Variants in DOCK4 observed in about 807,000 individuals in gnomAD.
The protein encoded by DOCK4 is dedicator of cytokinesis 4.
A neutral mutation model predicts 268.1 loss-of-function variants in DOCK4; 97 were observed. The ratio of observed to expected loss-of-function variants is 0.36; its 90% CI spans 0.31 to 0.43. DOCK4 has a LOEUF of 0.43. Among genes scored for constraint, DOCK4 ranks in the 20% least tolerant of loss-of-function variants. DOCK4 has a pLI of 1.00. For missense variants in DOCK4, 2,145 were observed against 2,455.7 expected, an observed-to-expected ratio of 0.87 and a Z score of 2.67; for synonymous variants, 954 against 887.2, an observed-to-expected ratio of 1.08 and a Z score of -1.34.
chr7:111,739,198 G>C lies in DOCK4; in HGVS notation c.5168C>G (p.Ser1723Cys), dbSNP rs772362224. 47 of 1,613,920 alleles carry C rather than the reference G, an allele frequency of 2.9e-5. No individual in the cohort carries two copies. The highest frequency in any genetic ancestry group is 3.8e-5 in the Non-Finnish European group (45 of 1,179,900). Reference sequence around the variant, plus strand: ...TGGTCTCTCTCTTGGTGACAGGCAAGAGTTTTCTCGGGAATGTTTGTGTTT... The same window carrying C: ...TGGTCTCTCTCTTGGTGACAGGCAACAGTTTTCTCGGGAATGTTTGTGTTT... ...SDKHKHSREN[S>C]CLSPRERPCS... The change falls in exon 49 of 53, where the codon TCT (serine) becomes TGT (cysteine). Residue 1723 changes from serine to cysteine, a missense_variant. Coordinates refer to ENST00000428084, the MANE Select transcript of DOCK4 (RefSeq NM_001363540.2).
rs1472305166 is a variant in DOCK4 at position 111,788,679 on chromosome 7, G to A, written c.3384C>T (p.Arg1128=). Residue 1128 remains arginine (R), a synonymous_variant, in exon 32 of 53, where the codon CGC becomes CGT. Transcript: ENST00000428084. The part of the protein sequence containing the change: ...MSEGKGDETY[R]ELFNSIIPLF... Reference sequence around the variant, plus strand: ...TTACTCACATACTGTTGAAGAGCTCGCGGTATGTTTCGTCACCTTTGCCTT... The same window carrying A: ...TTACTCACATACTGTTGAAGAGCTCACGGTATGTTTCGTCACCTTTGCCTT... The A allele has an allele frequency of 2.5e-6, 4 of 1,586,950 alleles. No homozygotes were observed. The African/African-American group carries it at 4.0e-5, about 16-fold the overall frequency.
At chr7:112,048,999 C>A (rs1386511835) in intron 1 of DOCK4, among the ~76,000 whole-genome samples, 1 of 151,982 alleles carries the variant, frequency 6.6e-6, no homozygotes, top group Non-Finnish European at 1.5e-5. Context: ...CATACAAAGG[C>A]TGAAAGAATT....
intron 1 of DOCK4, among the ~76,000 whole-genome samples, chr7:112,181,639 C>CAAAAAAAAAAAAAAAAAAAAAA (rs55807955): frequency 1.5e-5 from 1 of 65,374 alleles, no homozygotes; most frequent in African/African-American, 6.8e-5. Flanking sequence ...GACACTGTCT[C>CAAAAAAAAAAAAAAAAAAAAAA]AAAAAAAAAA....
intron 1 of DOCK4, among the ~76,000 whole-genome samples, chr7:112,065,968 A>G (rs564423475): frequency 9.2e-5 from 14 of 152,302 alleles, no homozygotes; most frequent in African/African-American, 3.1e-4. Context: ...AAGTGTCCAG[A>G]GTGGAGCTTC....
intron 1 of DOCK4, among the ~76,000 whole-genome samples, chr7:112,136,721 G>T (rs1301417584): frequency 1.3e-5 from 2 of 152,144 alleles, no homozygotes; most frequent in African/African-American, 4.8e-5. Context: ...GGGCTTTTTG[G>T]AAACAGACCA....
intron 1 of DOCK4, among the ~76,000 whole-genome samples, chr7:112,005,094 C>T (rs368833860): frequency 6.6e-6 from 1 of 152,144 alleles, no homozygotes; most frequent in African/African-American, 2.4e-5. Context: ...ACTATGCACA[C>T]TGAAATCAAC....
chr7:112,012,344 C>CAA (rs111700199), intron 1 of DOCK4, among the ~76,000 whole-genome samples: 4 of 130,392 alleles, frequency 3.1e-5, no homozygotes, highest in African/African-American at 8.5e-5. Context: ...GATAAGGCAG[C>CAA]AAAAAAAAAA....
At chr7:111,981,828 G>A (rs1798631558) in intron 7 of DOCK4, among the ~76,000 whole-genome samples, 1 of 152,070 alleles carries the variant, frequency 6.6e-6, no homozygotes, top group African/African-American at 2.4e-5. Context: ...ATGAGACCCT[G>A]GAATCTTAGC....
At chr7:111,825,748 A>C (rs766316681) in intron 26 of DOCK4, among the ~76,000 whole-genome samples, 1 of 152,206 alleles carries the variant, frequency 6.6e-6, no homozygotes, top group Non-Finnish European at 1.5e-5. Context: ...AAGATAAAAA[A>C]GAAACAGGGA....
In DOCK4 at chr7:111,767,066, C is replaced by T. The variant is rs1336906273; in HGVS notation, c.3881G>A (p.Ser1294Asn). The T allele has an allele frequency of 3.7e-6, 6 of 1,613,796 alleles. No individual in the cohort carries two copies. In the South Asian group the frequency reaches 6.6e-5, roughly 18 times the overall value. The change falls in exon 38 of 53, where the codon AGT (serine) becomes AAT (asparagine). Residue 1294 changes from serine to asparagine, a missense_variant. This residue lies in a region of DOCK4 where 1,598 missense variants were observed against 1,986.7 expected (regional missense o/e 0.80). Coordinates refer to ENST00000428084, the MANE Select transcript of DOCK4 (RefSeq NM_001363540.2). ...GCTCAGGTTTCTGTAGTCATAATAA[C>T]TCTCATACTGCTCTGCAATCTTCCG... is the stretch of plus-strand genomic sequence containing the variant. ...LCRKIAEQYE[S>N]YYDYRNLSKM...
At position 111,783,956 on chromosome 7, in the gene DOCK4, G is replaced by C; in HGVS notation, c.3429-4C>G. On this transcript the variant is annotated splice_region_variant and splice_polypyrimidine_tract_variant and intron_variant, in intron 33 of 52. Coordinates refer to ENST00000428084, the MANE Select transcript of DOCK4 (RefSeq NM_001363540.2). ...CCGCTCAATTTTCTTTAGTAGACTG[G>C]AAAAGAAAGAACCCGGGGCATTTTC... 1 of 1,595,928 alleles carries C rather than the reference G, an allele frequency of 6.3e-7. No homozygotes were observed. Among genetic ancestry groups the C allele is most frequent in the Non-Finnish European group, 8.5e-7 (1 of 1,170,592 alleles).
intron 1 of DOCK4, among the ~76,000 whole-genome samples, chr7:112,167,731 A>G (rs1392094014): frequency 1.3e-5 from 2 of 152,216 alleles, no homozygotes; most frequent in African/African-American, 4.8e-5. Flanking sequence ...GTAAGCTTAA[A>G]TAACTCAATT....
At position 111,915,875 on chromosome 7, in the gene DOCK4, C is replaced by T. The variant is rs1315373989; in HGVS notation, c.1096G>A (p.Gly366Arg). 3.7e-6 allele frequency: 6 copies of T among 1,612,060 alleles called. No homozygotes were observed. Among genetic ancestry groups the T allele is most frequent in the South Asian group, 2.2e-5 (2 of 90,592 alleles). Residue 366 changes from glycine to arginine, a missense_variant, in exon 13 of 53, where the codon GGA becomes AGA. Gly to Arg is a moderately radical substitution (Grantham distance 125, BLOSUM62 -2). Around this residue, in one of 2 missense-constraint regions of DOCK4, gnomAD observed 1,598 missense variants for 1,986.7 expected, o/e 0.80. Transcript: ENST00000428084. ...GLAVSLQLLH[G>R]DIEQIRREYS... ...TCCCTTCTGATTTGTTCAATGTCTC[C>T]GTGCAATAGCTGTAAGGAAACTGCT...
chr7:112,101,371 G>A (rs1402359251), intron 1 of DOCK4, among the ~76,000 whole-genome samples: 1 of 152,198 alleles, frequency 6.6e-6, no homozygotes, highest in Admixed American at 6.5e-5. Context: ...GTCCCCGGAG[G>A]GGTAAAATAT....
chr7:112,090,092 C>A (rs1448562275), intron 1 of DOCK4, among the ~76,000 whole-genome samples: 1 of 152,052 alleles, frequency 6.6e-6, no homozygotes. Flanking sequence ...AAGGATAAGC[C>A]CCTGGAACTT....
At chr7:111,802,112 G>A (rs1196285144) in intron 30 of DOCK4, among the ~76,000 whole-genome samples, 1 of 152,154 alleles carries the variant, frequency 6.6e-6, no homozygotes, top group Non-Finnish European at 1.5e-5. Flanking sequence ...CTAGCAGCTA[G>A]CATTTGCAAT....
intron 12 of DOCK4, among the ~76,000 whole-genome samples, chr7:111,917,803 C>A (rs1174753235): frequency 6.6e-6 from 1 of 152,010 alleles, no homozygotes; most frequent in Non-Finnish European, 1.5e-5. Context: ...TTACTTATCA[C>A]ATTTCTCTCA....
chr7:112,189,755 T>TG (rs1181240841), intron 1 of DOCK4, among the ~76,000 whole-genome samples: 2 of 145,612 alleles, frequency 1.4e-5, no homozygotes, highest in Non-Finnish European at 3.0e-5. Flanking sequence ...TGTTTTTTTT[T>TG]TTTTTTTTTT....
chr7:112,035,297 C>A (rs1304777412), intron 1 of DOCK4, among the ~76,000 whole-genome samples: 1 of 151,214 alleles, frequency 6.6e-6, no homozygotes, highest in African/African-American at 2.5e-5. Flanking sequence ...GAAATGAGGA[C>A]AATTATAAAA....
Sources: allele counts gnomAD v4.1 joint callset (sites outside exome capture counted in the v4.1 genomes callset), GRCh38; gene constraint gnomAD v4.1.1; regional missense constraint gnomAD v4.1.1; transcripts MANE v1.5; gene names NCBI Gene and HGNC (gene_info 2026-07-23, HGNC 2026-07-21).